The following SRBD1 variants were observed in gnomAD, a reference collection of about 807,000 sequenced individuals.
SRBD1 encodes S1 RNA binding domain 1.
Under a neutral mutation model 115.3 loss-of-function variants are expected in SRBD1, and 88 were observed. The observed-to-expected ratio is 0.76, with a 90% CI of 0.64 to 0.91. SRBD1 has a LOEUF of 0.91. Ranked by LOEUF, SRBD1 falls within the 40% of genes least tolerant of loss-of-function variation. The pLI is 0.00. For synonymous variants in SRBD1, 509 were observed against 407.7 expected (o/e 1.25, Z -2.99); for missense variants, 1,385 against 1,177.4 (o/e 1.18, Z -2.58).
intron 14 of SRBD1, among the ~76,000 whole-genome samples, chr2:45,543,016 A>C (rs1487167568): frequency 1.3e-5 from 2 of 152,236 alleles, no homozygotes; most frequent in Non-Finnish European, 2.9e-5. Context: ...ACAAAAGCAA[A>C]ATGAGTGCCT....
Position 45,481,327 on chromosome 2 carries a change from T to C in SRBD1, c.1967-4252A>G, listed in dbSNP as rs533451611. The stretch of plus-strand genomic sequence containing the variant: ...TGCGTTATTTAGTGGACAGTAATAA[T>C]GCAGAGCTCGAGGTTGAGAATGATC... On this transcript the variant is annotated intron_variant, in intron 15 of 20. Coordinates refer to ENST00000263736, the MANE Select transcript of SRBD1 (RefSeq NM_018079.5). 2.6e-5 allele frequency among the ~76,000 whole-genome samples: 4 copies of C among 152,206 alleles called. No individual in the cohort carries two copies. In the East Asian group the frequency reaches 7.7e-4, roughly 29 times the overall value.
At chr2:45,508,616 G>A (rs536422209) in intron 14 of SRBD1, among the ~76,000 whole-genome samples, 11 of 152,000 alleles carry the variant, frequency 7.2e-5, no homozygotes, top group African/African-American at 2.7e-4. Flanking sequence ...TCATATTCCA[G>A]CATTATTTTC....
intron 9 of SRBD1, among the ~76,000 whole-genome samples, chr2:45,572,600 C>T (rs1422649369): frequency 1.3e-5 from 2 of 152,104 alleles, no homozygotes; most frequent in South Asian, 4.1e-4. Flanking sequence ...TAGATAGTAA[C>T]TTGAAGCCAT....
At chr2:45,419,160 C>T (rs1667924553) in intron 17 of SRBD1, among the ~76,000 whole-genome samples, 1 of 152,124 alleles carries the variant, frequency 6.6e-6, no homozygotes, top group Non-Finnish European at 1.5e-5. Context: ...GTTAGAAAAT[C>T]AACAACTTAA....
chr2:45,580,433 C>G (rs1442887787), intron 6 of SRBD1, among the ~76,000 whole-genome samples: 1 of 150,458 alleles, frequency 6.6e-6, no homozygotes, highest in African/African-American at 2.4e-5. Flanking sequence ...GCAAGCTCTG[C>G]CTCCCAGGTT....
At chr2:45,609,365 G>A (rs1330676741) in intron 1 of SRBD1, among the ~76,000 whole-genome samples, 1 of 152,150 alleles carries the variant, frequency 6.6e-6, no homozygotes, top group Non-Finnish European at 1.5e-5. Flanking sequence ...ACGATCTTCA[G>A]TGAGCCTTTA....
rs554296268 is a variant in SRBD1, at chr2:45,518,377, C to T, written c.1874+28355G>A. Among the ~76,000 whole-genome samples, 166 of 152,252 alleles carry T rather than the reference C, an allele frequency of 1.1e-3. 1 individual carries two copies. Among genetic ancestry groups the T allele is most frequent in the Admixed American group, 2.0e-3 (30 of 15,300 alleles). ...TACCTTCTAATTTACTTGAGCACTG[C>T]TATATGAGATTATTTTGAGCAGAAT... On this transcript the variant is annotated intron_variant, in intron 14 of 20. Transcript: ENST00000263736.
intron 2 of SRBD1, among the ~76,000 whole-genome samples, chr2:45,602,868 GCAAAAACCTGAC>G (rs1246387140): frequency 6.6e-6 from 1 of 152,130 alleles, no homozygotes; most frequent in East Asian, 1.9e-4. Flanking sequence ...CTTGCTGGGG[GCAAAAACCTGAC>G]TGGATGACTT....
chr2:45,445,615 C>CAAAGTCAGA (rs1668800540), intron 16 of SRBD1, among the ~76,000 whole-genome samples: 1 of 108,670 alleles, frequency 9.2e-6, no homozygotes, highest in Non-Finnish European at 1.9e-5. Context: ...AGCCACGGAA[C>CAAAGTCAGA]AAAGTCAGAA....
chr2:45,603,862 C>T (rs954063675), intron 2 of SRBD1, among the ~76,000 whole-genome samples: 1 of 152,026 alleles, frequency 6.6e-6, no homozygotes, highest in Non-Finnish European at 1.5e-5. Context: ...ATCTCCAACT[C>T]GACCTTCCCC....
intron 5 of SRBD1, among the ~76,000 whole-genome samples, chr2:45,584,206 A>C (rs1673447422): frequency 6.6e-6 from 1 of 152,244 alleles, no homozygotes; most frequent in East Asian, 1.9e-4. Context: ...GCTTCTTTTC[A>C]GAAACAGGAA....
chr2:45,437,165 C>G (rs1010413544), intron 16 of SRBD1, among the ~76,000 whole-genome samples: 4 of 151,986 alleles, frequency 2.6e-5, no homozygotes, highest in African/African-American at 9.7e-5. Flanking sequence ...TCAATACTGT[C>G]AAGATGTCAG....
At chr2:45,391,958 TGCTAAAAACCA>T (rs1407094926) in intron 20 of SRBD1, among the ~76,000 whole-genome samples, 2 of 152,174 alleles carry the variant, frequency 1.3e-5, no homozygotes, top group Admixed American at 1.3e-4. Context: ...CTAGTACTCC[TGCTAAAAACCA>T]GCCCAGAAAT....
intron 16 of SRBD1, chr2:45,447,935 T>C (rs534117206): frequency 6.6e-6 from 1 of 152,320 alleles, no homozygotes; most frequent in South Asian, 2.1e-4. Flanking sequence ...CTACTATACA[T>C]TTAAAATAAC....
At chr2:45,467,506 CA>C (rs759472235) in intron 16 of SRBD1, among the ~76,000 whole-genome samples, 9 of 152,260 alleles carry the variant, frequency 5.9e-5, no homozygotes, top group Non-Finnish European at 1.2e-4. Flanking sequence ...TGTATATAAG[CA>C]CTAGAAATTT....
At chr2:45,523,401 C>T (rs1296735204) in intron 14 of SRBD1, among the ~76,000 whole-genome samples, 2 of 151,050 alleles carry the variant, frequency 1.3e-5, no homozygotes, top group African/African-American at 4.9e-5. Context: ...CAAAGTTGAA[C>T]TCAAAAGTTG....
At chr2:45,420,139 T>C (rs987365401) in intron 16 of SRBD1, among the ~76,000 whole-genome samples, 1 of 152,226 alleles carries the variant, frequency 6.6e-6, no homozygotes. Context: ...TGCCTGAAAT[T>C]GTGCCCAGAG....
At chr2:45,577,117 A>T (rs974887031) in intron 7 of SRBD1, among the ~76,000 whole-genome samples, 3 of 152,228 alleles carry the variant, frequency 2.0e-5, no homozygotes, top group Admixed American at 2.0e-4. Flanking sequence ...CCACTAGGGA[A>T]ATGCCTTGAG....
At chr2:45,487,361 T>G (rs1670152541) in intron 15 of SRBD1, among the ~76,000 whole-genome samples, 1 of 152,194 alleles carries the variant, frequency 6.6e-6, no homozygotes, top group Non-Finnish European at 1.5e-5. Flanking sequence ...TATCTTAATT[T>G]CTTTACACAC....
Sources: allele counts gnomAD v4.1 joint callset (sites outside exome capture counted in the v4.1 genomes callset), GRCh38; gene constraint gnomAD v4.1.1; transcripts MANE v1.5; gene names NCBI Gene and HGNC (gene_info 2026-07-23, HGNC 2026-07-21).